The following GTF2IRD1 variants were observed in gnomAD, a reference collection of about 807,000 sequenced individuals.
GTF2IRD1 encodes general transcription factor II-I repeat domain-containing protein 1.
GTF2IRD1 carries 26 observed loss-of-function variants against 113.2 expected under a neutral mutation model. The observed-to-expected ratio is 0.23, with a 90% confidence interval of 0.17 to 0.32. GTF2IRD1 has a LOEUF of 0.32. Ranked by LOEUF, GTF2IRD1 falls within the 10% of genes least tolerant of loss-of-function variation. The probability of loss-of-function intolerance (pLI) is 1.00; values close to 1 mark genes in which losing one functional copy is unlikely to be tolerated. For missense variants in GTF2IRD1, 864 were observed against 1,280.8 expected (o/e 0.67, Z 4.97); for synonymous variants, 484 against 529.1 (o/e 0.91, Z 1.17).
rs1439045430 is a variant in GTF2IRD1 at position 74,502,390 on chromosome 7, G to A, written c.-6-5685G>A. 2.6e-5 allele frequency among the ~76,000 whole-genome samples: 4 copies of A among 152,228 alleles called. No individual in the cohort carries two copies. The East Asian group carries it at 7.7e-4, about 29-fold the overall frequency. ...CTAGTGGGAACAACCTGTAACACCT[G>A]TTTCCAGACATCCAGGCTTTGGGCT... On this transcript the variant is annotated intron_variant, in intron 1 of 26. Transcript: ENST00000424337.
chr7:74,480,822 G>A (rs1271638789), intron 1 of GTF2IRD1, among the ~76,000 whole-genome samples: 1 of 152,188 alleles, frequency 6.6e-6, no homozygotes, highest in African/African-American at 2.4e-5. Context: ...CTCTCTTTGA[G>A]TGCTCCTAGT....
At chr7:74,557,996 C>A (rs1424879244) in intron 20 of GTF2IRD1, among the ~76,000 whole-genome samples, 1 of 152,050 alleles carries the variant, frequency 6.6e-6, no homozygotes, top group African/African-American at 2.4e-5. Flanking sequence ...GACAAGGGCC[C>A]GGCACAGTGG....
chr7:74,558,988 C>A lies in GTF2IRD1; in HGVS notation c.2235C>A (p.Ser745=), dbSNP rs1554358209. 6.2e-7 allele frequency: 1 copy of A among 1,614,100 alleles called. No individual in the cohort carries two copies. The highest frequency in any genetic ancestry group is 1.3e-5 in the African/African-American group (1 of 75,040). Residue 745 remains serine, a synonymous_variant, in exon 21 of 27, where the codon TCC becomes TCA. Transcript: ENST00000424337. ...TCCGAAAGCCCTGTACCTTCGGCTC[C>A]CAGAACCTGGAGAGGATTCTTGCTG... is the stretch of plus-strand genomic sequence containing the variant. The part of the protein sequence containing the change: ...IPFRKPCTFG[S]QNLERILAVA...
intron 26 of GTF2IRD1, 45 bp downstream of exon 26, chr7:74,601,225 C>G: frequency 6.4e-7 from 1 of 1,553,194 alleles, no homozygotes; most frequent in South Asian, 1.2e-5. Flanking sequence ...CTCTGTGGCC[C>G]TCACCCCTCT....
intron 1 of GTF2IRD1, among the ~76,000 whole-genome samples, chr7:74,500,447 A>G (rs1450891320): frequency 1.3e-5 from 2 of 151,504 alleles, no homozygotes; most frequent in East Asian, 3.9e-4. Flanking sequence ...AAGAAAAAAA[A>G]TTTGGTGGGG....
At chr7:74,502,043 C>T (rs1353998724) in intron 1 of GTF2IRD1, among the ~76,000 whole-genome samples, 1 of 152,126 alleles carries the variant, frequency 6.6e-6, no homozygotes, top group African/African-American at 2.4e-5. Flanking sequence ...AAACTCCTGG[C>T]TCAAGTGATC....
rs1191346884 is a variant in GTF2IRD1, at chr7:74,469,272, C to CT, written c.-7+15105dup. ...GTTCTTCTCTACCATGTTGGATTTT[C>CT]TTTTTTTTTGTAAGTTTATTTTAAA... is the stretch of plus-strand genomic sequence containing the variant. On this transcript the variant is annotated intron_variant, in intron 1 of 26. Coordinates refer to ENST00000424337, the MANE Select transcript of GTF2IRD1 (RefSeq NM_005685.4). Among the ~76,000 whole-genome samples, 943 of 150,612 alleles carry CT rather than the reference C, an allele frequency of 6.3e-3. 10 individuals are homozygous for CT. The highest frequency in any genetic ancestry group is 0.021 in the African/African-American group (875 of 41,012).
intron 10 of GTF2IRD1, among the ~76,000 whole-genome samples, chr7:74,535,543 C>T (rs1798243537): frequency 1.3e-5 from 2 of 152,224 alleles, no homozygotes; most frequent in African/African-American, 4.8e-5. Flanking sequence ...GAGCACGGGT[C>T]CCTGCTGCAT....
At chr7:74,518,098 C>T in intron 4 of GTF2IRD1, 41 bp from the exon 5 acceptor site, 1 of 1,378,990 alleles carries the variant, frequency 7.3e-7, no homozygotes, top group Non-Finnish European at 9.6e-7. Context: ...AGCCTGGCTG[C>T]CCTCTCATAC....
chr7:74,516,426 T>C (rs1796930560), intron 4 of GTF2IRD1, among the ~76,000 whole-genome samples: 1 of 152,230 alleles, frequency 6.6e-6, no homozygotes. Context: ...GCCATGTCTT[T>C]CCTGCAGGAA....
chr7:74,532,980 C>T (rs1389983535), intron 9 of GTF2IRD1, among the ~76,000 whole-genome samples: 2 of 151,832 alleles, frequency 1.3e-5, no homozygotes, highest in Non-Finnish European at 2.9e-5. Flanking sequence ...TGACCCACCA[C>T]CAGGCACCAC....
At chr7:74,531,451 A>T (rs1797960384) in intron 9 of GTF2IRD1, among the ~76,000 whole-genome samples, 1 of 152,146 alleles carries the variant, frequency 6.6e-6, no homozygotes, top group Non-Finnish European at 1.5e-5. Flanking sequence ...AAATTACCAG[A>T]TGTGGATGAA....
At chr7:74,568,966 G>A (rs587596964) in intron 22 of GTF2IRD1, among the ~76,000 whole-genome samples, 6 of 152,294 alleles carry the variant, frequency 3.9e-5, no homozygotes, top group East Asian at 1.9e-4. Flanking sequence ...CTTGGATGAC[G>A]CATCTGTGCC....
In GTF2IRD1 at chr7:74,468,661, C is replaced by CAAAA. The variant is rs563484086; in HGVS notation, c.-7+14496_-7+14499dup. Among the ~76,000 whole-genome samples, 732 of 81,530 alleles carry CAAAA rather than the reference C, an allele frequency of 9.0e-3. 9 individuals carry two copies. The highest frequency in any genetic ancestry group is 0.032 in the African/African-American group (679 of 21,018). 53.5% of individuals were successfully genotyped at this position (81,530 alleles called of 152,430 possible). On this transcript the variant is annotated intron_variant, in intron 1 of 26. Coordinates refer to ENST00000424337, the MANE Select transcript of GTF2IRD1 (RefSeq NM_005685.4). ...CGACAGAGCAGCGAGACTCCATCTC[C>CAAAA]AAAAAAAAAAAAAACTGTGTGTGTG... is the stretch of plus-strand genomic sequence containing the variant.
At chr7:74,531,710 C>T (rs1348004444) in intron 9 of GTF2IRD1, among the ~76,000 whole-genome samples, 1 of 151,868 alleles carries the variant, frequency 6.6e-6, no homozygotes, top group East Asian at 1.9e-4. Context: ...TAGCAAGACC[C>T]CATCTCCAAA....
intron 1 of GTF2IRD1, among the ~76,000 whole-genome samples, chr7:74,466,489 G>A (rs1443765705): frequency 1.3e-5 from 2 of 152,128 alleles, no homozygotes; most frequent in Non-Finnish European, 2.9e-5. Context: ...GTCTCTCTGT[G>A]CCAGCCACGA....
rs188606295 is a variant in GTF2IRD1 at position 74,498,226 on chromosome 7, C to T, written c.-6-9849C>T. On this transcript the variant is annotated intron_variant, in intron 1 of 26. Coordinates refer to ENST00000424337, the MANE Select transcript of GTF2IRD1 (RefSeq NM_005685.4). Reference sequence around the variant, plus strand: ...CTCTGTTGCCCAGGCTGGTCTCGAGCTCCTGGCCTCAAGTTATCCTCTCAC... The same window carrying T: ...CTCTGTTGCCCAGGCTGGTCTCGAGTTCCTGGCCTCAAGTTATCCTCTCAC... Among the ~76,000 whole-genome samples the T allele has an allele frequency of 3.3e-5, 5 of 151,998 alleles. No individual in the cohort carries two copies. The East Asian group carries it at 9.7e-4, about 29-fold the overall frequency.
intron 22 of GTF2IRD1, among the ~76,000 whole-genome samples, chr7:74,566,163 A>G (rs1800303711): frequency 6.6e-6 from 1 of 152,142 alleles, no homozygotes; most frequent in African/African-American, 2.4e-5. Context: ...AAGCTTATTA[A>G]TTTTACATCT....
chr7:74,567,977 G>A (rs1800429013), intron 22 of GTF2IRD1, among the ~76,000 whole-genome samples: 1 of 151,918 alleles, frequency 6.6e-6, no homozygotes, highest in African/African-American at 2.4e-5. Context: ...AGTAGAGATG[G>A]GGTTTCACCA....
Sources: gnomAD v4.1 joint callset for allele counts (sites outside exome capture counted in the v4.1 genomes callset) on GRCh38, gnomAD v4.1.1 for gene constraint, MANE v1.5 for transcripts, NCBI Gene and HGNC (gene_info 2026-07-23, HGNC 2026-07-21) for gene names.